DMD: variants seen among roughly 807,000 people sequenced by gnomAD.
DMD encodes mutant dystrophin.
In DMD, 63 loss-of-function variants were observed where a neutral mutation model predicts 330.1. The observed-to-expected ratio is 0.19, with a 90% CI of 0.16 to 0.24. The LOEUF is 0.24. Among genes scored for constraint, DMD ranks in the 10% least tolerant of loss-of-function variants. The pLI, the probability that DMD is intolerant of heterozygous loss-of-function variation, is 1.00. For missense variants in DMD, 3,344 were observed against 2,684.1 expected (o/e 1.25, Z -5.43); for synonymous variants, 1,223 against 959.8 (o/e 1.27, Z -5.07).
intron 47 of DMD, among the ~76,000 whole-genome samples, chrX:31,879,191 A>G (rs1307998349): frequency 2.8e-5 from 2 of 71,326 alleles, no homozygotes; most frequent in African/African-American, 5.5e-5. Context: ...GGTTTAATGG[A>G]CTCACCATTC....
At chrX:31,930,005 A>G (rs754403349) in intron 46 of DMD, among the ~76,000 whole-genome samples, 1 of 111,398 alleles carries the variant, frequency 9.0e-6, no homozygotes, top group Admixed American at 9.6e-5. Context: ...GTGAGATGGT[A>G]AAGCAACACT....
intron 11 of DMD, among the ~76,000 whole-genome samples, chrX:32,627,159 C>CT (rs397937674): frequency 3.1e-5 from 2 of 64,171 alleles, no homozygotes; most frequent in Non-Finnish European, 5.3e-5. Flanking sequence ...CCCCCCCCCC[C>CT]GCCCCAGGAC....
chrX:31,926,887 C>T (rs1486969170), intron 47 of DMD, among the ~76,000 whole-genome samples: 1 of 110,686 alleles, frequency 9.0e-6, no homozygotes, highest in African/African-American at 3.3e-5. Context: ...ATTATATCAC[C>T]CACTCTAACC....
At chrX:31,226,412 C>A (rs1283079921) in intron 63 of DMD, among the ~76,000 whole-genome samples, 1 of 112,002 alleles carries the variant, frequency 8.9e-6, no homozygotes, top group African/African-American at 3.2e-5. Context: ...TTGTGAGTCT[C>A]TTGTTTATGA....
intron 16 of DMD, among the ~76,000 whole-genome samples, chrX:32,559,684 T>C (rs1048363895): frequency 8.9e-6 from 1 of 111,755 alleles, no homozygotes; most frequent in African/African-American, 3.2e-5. Context: ...AAGAAGAACA[T>C]GTAAAGAAAT....
intron 44 of DMD, among the ~76,000 whole-genome samples, chrX:32,076,434 G>C (rs1351819325): frequency 1.9e-5 from 2 of 104,886 alleles, no homozygotes; most frequent in African/African-American, 7.0e-5. Context: ...GGCTGGAGTG[G>C]AGTGTCGTGA....
In DMD at chrX:32,456,602, GTGTGTGTGTGTGTGTA is replaced by G. The variant is rs1431416864; in HGVS notation, c.3433-1786_3433-1771del. On this transcript the variant is annotated intron_variant, in intron 25 of 78. Transcript: ENST00000357033. ...TTTGTGTGTGTGTGTGTGTGTGTGT[GTGTGTGTGTGTGTGTA>G]TGTGTGTGTGTGTGTGCACGTGCTC... Among the ~76,000 whole-genome samples, 211 of 102,483 alleles carry G rather than the reference GTGTGTGTGTGTGTGTA, an allele frequency of 2.1e-3. 1 individual carries two copies. Among genetic ancestry groups the G allele is most frequent in the African/African-American group, 7.6e-3 (208 of 27,405 alleles). The allele number at this position is 102,483 out of a possible 115,157, so 89.0% of individuals were successfully genotyped here.
intron 62 of DMD, chrX:31,267,051 G>A (rs896834174): frequency 6.8e-5 from 27 of 396,937 alleles, no homozygotes; most frequent in Non-Finnish European, 1.1e-4. Context: ...CTGGGAACCC[G>A]GACACCCAGA....
At chrX:32,206,922 A>C (rs2097071848) in intron 44 of DMD, among the ~76,000 whole-genome samples, 1 of 111,871 alleles carries the variant, frequency 8.9e-6, no homozygotes, top group Non-Finnish European at 1.9e-5. Context: ...TTAAAGATGG[A>C]ACTCCACCCT....
intron 63 of DMD, among the ~76,000 whole-genome samples, chrX:31,248,387 T>C (rs1227974861): frequency 8.9e-6 from 1 of 112,075 alleles, no homozygotes; most frequent in Non-Finnish European, 1.9e-5. Context: ...ATCAAATGCA[T>C]GGAAGCTTAT....
intron 41 of DMD, among the ~76,000 whole-genome samples, chrX:32,327,204 A>G (rs1256721864): frequency 9.0e-6 from 1 of 110,888 alleles, no homozygotes; most frequent in Non-Finnish European, 1.9e-5. Context: ...ACAAAAAAAA[A>G]AAGAGATAAT....
chrX:32,762,878 G>A (rs1305977544), intron 7 of DMD, among the ~76,000 whole-genome samples: 5 of 111,937 alleles, frequency 4.5e-5, no homozygotes, highest in East Asian at 5.6e-4. Context: ...TGTATAATGC[G>A]AAGAACTGAG....
intron 9 of DMD, among the ~76,000 whole-genome samples, chrX:32,678,785 T>G (rs1378792322): frequency 8.9e-6 from 1 of 111,760 alleles, no homozygotes; most frequent in Non-Finnish European, 1.9e-5. Flanking sequence ...CAACATAAAC[T>G]TACGCACGTT....
chrX:33,103,504 C>T (rs2095258494), intron 1 of DMD, among the ~76,000 whole-genome samples: 1 of 110,907 alleles, frequency 9.0e-6, no homozygotes, highest in South Asian at 3.9e-4. Flanking sequence ...TCAAAAAGCT[C>T]CCCCACTGAG....
At chrX:31,785,641 T>G (rs911602917) in intron 50 of DMD, among the ~76,000 whole-genome samples, 4 of 108,786 alleles carry the variant, frequency 3.7e-5, no homozygotes, top group Non-Finnish European at 7.6e-5. Flanking sequence ...GATGTTCCCC[T>G]CCCCCATCTC....
intron 2 of DMD, among the ~76,000 whole-genome samples, chrX:32,981,369 T>C (rs914439158): frequency 1.8e-5 from 2 of 111,760 alleles, no homozygotes; most frequent in African/African-American, 3.2e-5. Context: ...GAGGTTAGCA[T>C]GCTTAGCTGA....
chrX:31,760,715 C>T (rs1470411507), intron 51 of DMD, among the ~76,000 whole-genome samples: 2 of 111,380 alleles, frequency 1.8e-5, no homozygotes, highest in African/African-American at 6.5e-5. Flanking sequence ...GACTGTATAC[C>T]CCTGTGAAAT....
intron 2 of DMD, among the ~76,000 whole-genome samples, chrX:33,013,625 T>C (rs2093742232): frequency 8.9e-6 from 1 of 112,397 alleles, no homozygotes; most frequent in Non-Finnish European, 1.9e-5. Flanking sequence ...GCAGGCACAT[T>C]GCACAATAGT....
At chrX:31,393,489 A>C (rs1269475099) in intron 60 of DMD, among the ~76,000 whole-genome samples, 2 of 94,693 alleles carry the variant, frequency 2.1e-5, no homozygotes, top group Non-Finnish European at 3.8e-5. Flanking sequence ...AAAAAAAAAA[A>C]AACAAAAAAA....
Sources: allele counts gnomAD v4.1 joint callset (sites outside exome capture counted in the v4.1 genomes callset), GRCh38; gene constraint gnomAD v4.1.1; transcripts MANE v1.5; gene names NCBI Gene and HGNC (gene_info 2026-07-23, HGNC 2026-07-21).